The following EYS variants were observed in gnomAD, a reference collection of about 807,000 sequenced individuals.
EYS encodes EGF-like photoreceptor maintenance factor.
EYS carries 250 observed loss-of-function variants against 282.1 expected under a neutral mutation model. The ratio of observed to expected loss-of-function variants is 0.89; its 90% confidence interval spans 0.80 to 0.98. EYS has a LOEUF of 0.98. Ranked by LOEUF, EYS falls within the 50% of genes least tolerant of loss-of-function variation. The pLI, the probability that EYS is intolerant of heterozygous loss-of-function variation, is 0.00. For synonymous variants in EYS, 1,355 were observed against 1,282.9 expected (o/e 1.06, Z -1.20); for missense variants, 4,016 against 3,709.0 (o/e 1.08, Z -2.15).
chr6:64,945,123 TTA>T (rs1491098287), intron 15 of EYS, among the ~76,000 whole-genome samples: 2 of 129,818 alleles, frequency 1.5e-5, no homozygotes, highest in Non-Finnish European at 1.6e-5. Context: ...TGTTTCTCTA[TTA>T]AAAAAAAAAA....
intron 22 of EYS, among the ~76,000 whole-genome samples, chr6:64,679,205 T>A (rs1344002014): frequency 1.3e-5 from 2 of 152,112 alleles, no homozygotes; most frequent in African/African-American, 4.8e-5. Context: ...TTCTTTTTTT[T>A]TATGGATGTA....
rs184053466 is a variant in EYS, at chr6:64,177,473, T to A, written c.6424+53119A>T. On this transcript the variant is annotated intron_variant, in intron 31 of 42. Coordinates refer to ENST00000503581, the MANE Select transcript of EYS (RefSeq NM_001142800.2). The stretch of plus-strand genomic sequence containing the variant: ...TATTTTAAATTATTCTTCTAATTAG[T>A]TCTCCCTTTTTGAAATGTCATTAAT... Among the ~76,000 whole-genome samples, 384 of 152,158 alleles carry A rather than the reference T, an allele frequency of 2.5e-3. 1 individual carries two copies. Among genetic ancestry groups the A allele is most frequent in the Non-Finnish European group, 3.3e-3 (223 of 67,956 alleles).
rs1181102596 is a variant in EYS, at chr6:65,699,897, G to A, written c.-448+7238C>T. ...TGGGAGGCCGAGGCGGGCGAATCAT[G>A]AGGTCAGGAGATCGAGACCATCCTG... is the stretch of plus-strand genomic sequence containing the variant. On this transcript the variant is annotated intron_variant, in intron 1 of 42. Transcript: ENST00000503581. 3.3e-5 allele frequency among the ~76,000 whole-genome samples: 5 copies of A among 151,674 alleles called. No individual in the cohort carries two copies. In the East Asian group the frequency reaches 7.8e-4, roughly 24 times the overall value.
intron 35 of EYS, among the ~76,000 whole-genome samples, chr6:63,900,112 AT>A (rs570537856): frequency 1.3e-5 from 2 of 151,898 alleles, no homozygotes; most frequent in African/African-American, 4.8e-5. Flanking sequence ...ACCTGTTTAG[AT>A]TTTTTTTACC....
chr6:65,368,631 T>C lies in EYS; in HGVS notation c.1300-15014A>G, dbSNP rs1006594020. On this transcript the variant is annotated intron_variant, in intron 8 of 42. Transcript: ENST00000503581. ...TCTTCCAAGTAAAAGCACATTGTTG[T>C]TTGCTTATTTAAAATATGAGAGTAA... Among the ~76,000 whole-genome samples the C allele has an allele frequency of 6.6e-5, 10 of 151,766 alleles. 1 individual carries two copies. The highest frequency in any genetic ancestry group is 1.3e-4 in the Admixed American group (2 of 14,998).
At chr6:65,473,747 G>C (rs1192973818) in intron 5 of EYS, among the ~76,000 whole-genome samples, 1 of 151,624 alleles carries the variant, frequency 6.6e-6, no homozygotes, top group Non-Finnish European at 1.5e-5. Context: ...GTAGATATGG[G>C]GTGACATTGA....
intron 26 of EYS, among the ~76,000 whole-genome samples, chr6:64,469,455 C>A (rs1231652029): frequency 6.6e-6 from 1 of 151,782 alleles, no homozygotes; most frequent in East Asian, 1.9e-4. Flanking sequence ...TATAATAATC[C>A]TCGCTCTATA....
intron 31 of EYS, among the ~76,000 whole-genome samples, chr6:64,173,047 C>T (rs372657360): frequency 1.2e-3 from 176 of 152,222 alleles, no homozygotes; most frequent in Non-Finnish European, 2.3e-3. Flanking sequence ...CTATGGTGAG[C>T]AGCAGGGACT....
chr6:63,998,728 A>G (rs1002208230), intron 34 of EYS, among the ~76,000 whole-genome samples: 2 of 151,876 alleles, frequency 1.3e-5, no homozygotes, highest in South Asian at 2.1e-4. Context: ...ATCATATCCT[A>G]TAAAAACACA....
intron 26 of EYS, among the ~76,000 whole-genome samples, chr6:64,552,543 C>T (rs900181773): frequency 6.6e-6 from 1 of 152,156 alleles, no homozygotes; most frequent in Non-Finnish European, 1.5e-5. Flanking sequence ...TCTAAAACCC[C>T]TGATCTTAAC....
chr6:64,040,773 T>C (rs1562169411), intron 33 of EYS, among the ~76,000 whole-genome samples: 1 of 152,210 alleles, frequency 6.6e-6, no homozygotes, highest in African/African-American at 2.4e-5. Flanking sequence ...TTGTATGGCC[T>C]GCAAAGGCTA....
At chr6:64,416,092 A>AT (rs1774051100) in intron 28 of EYS, among the ~76,000 whole-genome samples, 1 of 152,162 alleles carries the variant, frequency 6.6e-6, no homozygotes, top group African/African-American at 2.4e-5. Flanking sequence ...TTGGAGGCAG[A>AT]TTTTTTGGCT....
At chr6:64,135,561 G>T (rs943130582) in intron 31 of EYS, among the ~76,000 whole-genome samples, 1 of 151,904 alleles carries the variant, frequency 6.6e-6, no homozygotes, top group Non-Finnish European at 1.5e-5. Context: ...ATAGGACTTG[G>T]GGTTGCTTGG....
rs1428994453 is a variant in EYS at position 64,591,415 on chromosome 6, C to T, written c.4452G>A (p.Trp1484Ter). The change falls in exon 26 of 43, where the codon TGG (tryptophan) becomes TGA (stop). Residue 1484 changes from tryptophan (W) to a stop codon, truncating the protein, a stop_gained. Coordinates refer to ENST00000503581, the MANE Select transcript of EYS (RefSeq NM_001142800.2). LOFTEE classifies it high-confidence loss of function. The part of the protein sequence containing the change: ...ADSLISRREH[W>*]RLLSPSMSPI... ...GAGACATCGAGGGGCTGAGCAATCTCCAGTGCTCTCTTCTTGAAATTAAAG... is the reference window on the plus strand; with the variant it reads ...GAGACATCGAGGGGCTGAGCAATCTTCAGTGCTCTCTTCTTGAAATTAAAG... 6.4e-7 allele frequency: 1 copy of T among 1,551,166 alleles called. No homozygotes were observed. Among genetic ancestry groups the T allele is most frequent in the African/African-American group, 1.4e-5 (1 of 72,982 alleles).
intron 11 of EYS, chr6:65,330,512 A>T: frequency 1.0e-6 from 1 of 984,374 alleles, no homozygotes; most frequent in Non-Finnish European, 1.2e-6. Flanking sequence ...AACCCCCAGA[A>T]AAATTTTTTG....
intron 15 of EYS, among the ~76,000 whole-genome samples, chr6:64,932,085 TTTA>T (rs1768744942): frequency 6.6e-6 from 1 of 152,130 alleles, no homozygotes. Flanking sequence ...AATCTCCGTG[TTTA>T]TTCAAGAAAA....
At chr6:64,143,147 G>A (rs543531293) in intron 31 of EYS, among the ~76,000 whole-genome samples, 3 of 152,266 alleles carry the variant, frequency 2.0e-5, no homozygotes, top group South Asian at 4.1e-4. Context: ...GAAAATATCC[G>A]TGGTTGCCAA....
intron 5 of EYS, among the ~76,000 whole-genome samples, chr6:65,443,436 A>G (rs1304181980): frequency 6.6e-6 from 1 of 150,834 alleles, no homozygotes; most frequent in Non-Finnish European, 1.5e-5. Context: ...ATATATGTAC[A>G]CATATAGCCA....
intron 5 of EYS, among the ~76,000 whole-genome samples, chr6:65,443,314 A>G (rs1444055318): frequency 9.4e-6 from 1 of 106,922 alleles, no homozygotes; most frequent in African/African-American, 2.6e-5. Flanking sequence ...GTGTACACAT[A>G]TAGACATATA....
Sources: gnomAD v4.1 joint callset for allele counts (sites outside exome capture counted in the v4.1 genomes callset) on GRCh38, gnomAD v4.1.1 for gene constraint, MANE v1.5 for transcripts, NCBI Gene and HGNC (gene_info 2026-07-23, HGNC 2026-07-21) for gene names.